The following GABRR1 variants were observed in gnomAD, a reference collection of about 807,000 sequenced individuals.
GABRR1 encodes the protein gamma-aminobutyric acid receptor subunit rho-1.
GABRR1 carries 59 observed loss-of-function variants against 55.5 expected under a neutral mutation model. That is an observed-to-expected ratio of 1.06 (90% confidence interval 0.86 to 1.32). The LOEUF is 1.32. GABRR1 is among the 40% of genes most tolerant of loss of function. The pLI, the probability that GABRR1 is intolerant of heterozygous loss-of-function variation, is 0.00. For synonymous variants in GABRR1, 213 were observed against 226.0 expected (o/e 0.94, Z 0.51); for missense variants, 602 against 619.1 (o/e 0.97, Z 0.29).
At chr6:89,204,735 C>T (rs887977742) in intron 1 of GABRR1, 1 of 1,000,820 alleles carries the variant, frequency 1.0e-6, no homozygotes, top group Non-Finnish European at 1.3e-6. Context: ...CAGTTATAGT[C>T]TTTTTCATTA....
chr6:89,218,537 T>C (rs148162544), upstream of GABRR1, among the ~76,000 whole-genome samples: 6 of 152,360 alleles, frequency 3.9e-5, no homozygotes, highest in Admixed American at 2.0e-4. Flanking sequence ...ATTCTTCTTA[T>C]TTGAATTCAG....
intron 1 of GABRR1, among the ~76,000 whole-genome samples, chr6:89,226,117 T>G (rs1051328522): frequency 1.3e-5 from 2 of 152,092 alleles, no homozygotes; most frequent in African/African-American, 2.4e-5. Context: ...GGGTTGTTTG[T>G]TTTTTTCTTG....
intron 4 of GABRR1, 79 bp from the exon 5 acceptor site, chr6:89,198,322 C>A: frequency 9.4e-7 from 1 of 1,064,198 alleles, no homozygotes. Context: ...CCCTGTGGAG[C>A]CATCACTTGG....
At chr6:89,194,472 T>C (rs1772200025) in intron 5 of GABRR1, among the ~76,000 whole-genome samples, 1 of 152,040 alleles carries the variant, frequency 6.6e-6, no homozygotes, top group South Asian at 2.1e-4. Context: ...AATCCTTCAA[T>C]GCAAAGACAT....
intron 1 of GABRR1, among the ~76,000 whole-genome samples, chr6:89,213,295 T>C (rs1281042891): frequency 2.0e-5 from 3 of 152,234 alleles, no homozygotes; most frequent in Non-Finnish European, 4.4e-5. Context: ...GAAGCCTGGA[T>C]ACAAATTACC....
At position 89,178,419 on chromosome 6, in the gene GABRR1, A is replaced by T. The variant is rs1474504080; in HGVS notation, c.*351T>A. 3.8e-6 allele frequency: 1 copy of T among 263,764 alleles called. No individual in the cohort carries two copies. Among genetic ancestry groups the T allele is most frequent in the Non-Finnish European group, 7.3e-6 (1 of 137,624 alleles). The allele number at this position is 263,764 out of a possible 1,614,324, so 16.3% of individuals were successfully genotyped here. ...AATGTAATGACACTTGAGGAAAATAAATTATTCATGTGAATAGCATCAAGG... is the reference window on the plus strand; with the variant it reads ...AATGTAATGACACTTGAGGAAAATATATTATTCATGTGAATAGCATCAAGG... On this transcript the variant is annotated 3_prime_UTR_variant, in exon 10 of 10. Coordinates refer to ENST00000454853, the MANE Select transcript of GABRR1 (RefSeq NM_002042.5).
intron 1 of GABRR1, among the ~76,000 whole-genome samples, chr6:89,211,655 C>A (rs933259310): frequency 1.3e-5 from 2 of 152,124 alleles, no homozygotes; most frequent in Non-Finnish European, 2.9e-5. Context: ...CCTTCCTAGT[C>A]GGAAGGTCTC....
Position 89,180,423 on chromosome 6 carries a change from A to T in GABRR1, c.1015T>A (p.Ser339Thr). 1 of 1,613,906 alleles carries T rather than the reference A, an allele frequency of 6.2e-7. No individual in the cohort carries two copies. Among genetic ancestry groups the T allele is most frequent in the Non-Finnish European group, 8.5e-7 (1 of 1,179,880 alleles). The change falls in exon 9 of 10, where the codon TCC becomes ACC. Residue 339 changes from serine (S) to threonine (T), a missense_variant. By Grantham distance (58) the Ser-to-Thr change is moderately conservative. Coordinates refer to ENST00000454853, the MANE Select transcript of GABRR1 (RefSeq NM_002042.5). Reference sequence around the variant, plus strand: ...TAGATGTCCACGGCCTTGATGTAGGAGACGCGCGGCATGGAGGCATTCACG... The same window carrying T: ...TAGATGTCCACGGCCTTGATGTAGGTGACGCGCGGCATGGAGGCATTCACG... ...TGVNASMPRV[S>T]YIKAVDIYLW...
intron 1 of GABRR1, among the ~76,000 whole-genome samples, chr6:89,228,129 A>C (rs1773227036): frequency 6.5e-5 from 1 of 15,452 alleles, no homozygotes; most frequent in African/African-American, 2.9e-4. Flanking sequence ...ATCATTTTTT[A>C]TTGTGTCTAT....
rs1381625970 is a variant in GABRR1, at chr6:89,223,786, C to T, written c.-410-2340G>A. Among the ~76,000 whole-genome samples, 6 of 141,424 alleles carry T rather than the reference C, an allele frequency of 4.2e-5. No homozygotes were observed. In the East Asian group the frequency reaches 8.4e-4, roughly 20 times the overall value. The allele number at this position is 141,424 out of a possible 152,430, so 92.8% of individuals were successfully genotyped here. A position where few individuals can be genotyped will look rare whatever the true frequency, so the allele number is the denominator to read the frequency against. On this transcript the variant is annotated intron_variant, in intron 1 of 11. Transcript: ENST00000369451. Reference sequence around the variant, plus strand: ...TTGTGGGTTTTTTTTTTTTTTGAGACGGAGGTCTTGCTCTGTCGCCAGGCT... The same window carrying T: ...TTGTGGGTTTTTTTTTTTTTTGAGATGGAGGTCTTGCTCTGTCGCCAGGCT...
intron 5 of GABRR1, among the ~76,000 whole-genome samples, chr6:89,190,652 A>T (rs992873986): frequency 9.2e-5 from 14 of 152,240 alleles, no homozygotes; most frequent in African/African-American, 3.4e-4. Context: ...TTTTATTGAT[A>T]TTCAACATCA....
intron 6 of GABRR1, among the ~76,000 whole-genome samples, chr6:89,187,076 G>A (rs1771925648): frequency 6.6e-6 from 1 of 152,174 alleles, no homozygotes; most frequent in African/African-American, 2.4e-5. Flanking sequence ...AGTCACAGGG[G>A]TGTCCACTGT....
At chr6:89,183,450 A>T in intron 7 of GABRR1, among the ~76,000 whole-genome samples, 1 of 152,074 alleles carries the variant, frequency 6.6e-6, no homozygotes, top group Non-Finnish European at 1.5e-5. Context: ...TAGGAAGACC[A>T]TGGGGTACTT....
At chr6:89,210,168 G>C (rs1224767772) in intron 1 of GABRR1, among the ~76,000 whole-genome samples, 1 of 144,078 alleles carries the variant, frequency 6.9e-6, no homozygotes, top group African/African-American at 2.6e-5. Flanking sequence ...TTGAAGGTCT[G>C]ACATTCTGCA....
At chr6:89,207,884 A>T (rs1464072729) in intron 1 of GABRR1, among the ~76,000 whole-genome samples, 1 of 152,228 alleles carries the variant, frequency 6.6e-6, no homozygotes, top group Non-Finnish European at 1.5e-5. Flanking sequence ...AGTAGGAGGA[A>T]GCAGGCAGTT....
intron 5 of GABRR1, among the ~76,000 whole-genome samples, chr6:89,192,638 G>C (rs1772139876): frequency 6.9e-6 from 1 of 145,184 alleles, no homozygotes; most frequent in African/African-American, 2.6e-5. Context: ...TCTCAACTCT[G>C]CAACCTCCAC....
At chr6:89,200,121 G>A (rs1183038288) in intron 3 of GABRR1, among the ~76,000 whole-genome samples, 1 of 151,998 alleles carries the variant, frequency 6.6e-6, no homozygotes, top group African/African-American at 2.4e-5. Context: ...AAAAAGGTGG[G>A]TTTGGATTCA....
intron 1 of GABRR1, among the ~76,000 whole-genome samples, chr6:89,214,308 T>C: frequency 9.9e-6 from 1 of 101,016 alleles, no homozygotes; most frequent in Admixed American, 8.5e-5. Flanking sequence ...TAGAGGAAAA[T>C]ATAGGAGAAA....
chr6:89,182,401 A>G (rs1359035189), intron 7 of GABRR1, among the ~76,000 whole-genome samples: 1 of 152,126 alleles, frequency 6.6e-6, no homozygotes, highest in African/African-American at 2.4e-5. Flanking sequence ...TCCTGGGTGC[A>G]AGCAATCCTC....
Sources: gnomAD v4.1 joint callset for allele counts (sites outside exome capture counted in the v4.1 genomes callset) on GRCh38, gnomAD v4.1.1 for gene constraint, MANE v1.5 for transcripts, NCBI Gene and HGNC (gene_info 2026-07-23, HGNC 2026-07-21) for gene names.